The following EYS variants were observed in gnomAD, a reference collection of about 807,000 sequenced individuals.
The protein encoded by EYS is EGF-like photoreceptor maintenance factor.
EYS carries 250 observed loss-of-function variants against 282.1 expected under a neutral mutation model. The ratio of observed to expected loss-of-function variants is 0.89; its 90% CI spans 0.80 to 0.98. The LOEUF (loss-of-function observed/expected upper bound fraction) is 0.98. EYS is among the 50% of genes least tolerant of loss of function. The pLI is 0.00. For missense variants in EYS, 4,016 were observed against 3,709.0 expected (o/e 1.08, Z -2.15); for synonymous variants, 1,355 against 1,282.9 (o/e 1.06, Z -1.20).
chr6:64,313,329 G>A (rs1454102247), intron 29 of EYS, among the ~76,000 whole-genome samples: 1 of 152,048 alleles, frequency 6.6e-6, no homozygotes. Flanking sequence ...GACAAGATTA[G>A]AGAAAAAAGA....
chr6:64,495,160 G>T (rs1776852290), intron 26 of EYS, among the ~76,000 whole-genome samples: 1 of 151,646 alleles, frequency 6.6e-6, no homozygotes, highest in Non-Finnish European at 1.5e-5. Context: ...ACTCACCCTG[G>T]TTGGGGCTAG....
chr6:65,237,621 T>A (rs548090633), intron 12 of EYS, among the ~76,000 whole-genome samples: 15 of 152,294 alleles, frequency 9.8e-5, no homozygotes, highest in African/African-American at 3.6e-4. Context: ...CACATTTGTA[T>A]AATTGCATGG....
At chr6:64,985,641 G>A (rs1004355302) in intron 14 of EYS, among the ~76,000 whole-genome samples, 2 of 151,454 alleles carry the variant, frequency 1.3e-5, no homozygotes, top group African/African-American at 2.4e-5. Flanking sequence ...TTAAAATAAA[G>A]TCTGATTTAA....
chr6:64,795,151 C>G (rs1774316051), intron 22 of EYS, among the ~76,000 whole-genome samples: 1 of 151,508 alleles, frequency 6.6e-6, no homozygotes, highest in Admixed American at 6.6e-5. Context: ...AGAAGAATCG[C>G]TAGAACCAGG....
chr6:65,278,512 C>T (rs995893271), intron 12 of EYS, among the ~76,000 whole-genome samples: 2 of 151,432 alleles, frequency 1.3e-5, no homozygotes, highest in African/African-American at 4.9e-5. Context: ...TCTTTTGCTG[C>T]AATCTTTTTG....
rs891412567 is a variant in EYS, at chr6:64,310,827, G to T, written c.6079-3745C>A. 8.3e-4 allele frequency among the ~76,000 whole-genome samples: 127 copies of T among 152,126 alleles called. 1 individual carries two copies. The highest frequency in any genetic ancestry group is 1.5e-3 in the South Asian group (7 of 4,820). ...TATGAGTGAACAAAATGGGAAGACT[G>T]GACTGAATTTTTTTTGTGTACTTTA... On this transcript the variant is annotated intron_variant, in intron 29 of 42. Transcript: ENST00000503581.
chr6:63,878,478 C>A (rs564285767), intron 35 of EYS, among the ~76,000 whole-genome samples: 3 of 152,146 alleles, frequency 2.0e-5, no homozygotes, highest in Non-Finnish European at 4.4e-5. Context: ...ACTCCATGCT[C>A]GGAGAACCAC....
intron 13 of EYS, among the ~76,000 whole-genome samples, chr6:65,004,627 G>A (rs572307350): frequency 1.4e-5 from 2 of 147,700 alleles, no homozygotes; most frequent in Non-Finnish European, 3.0e-5. Flanking sequence ...CACTAGCTTT[G>A]CAAGGTCCAA....
intron 2 of EYS, among the ~76,000 whole-genome samples, chr6:65,507,464 G>C (rs1766699289): frequency 1.3e-5 from 2 of 151,930 alleles, no homozygotes; most frequent in South Asian, 4.1e-4. Flanking sequence ...CAGGACATGA[G>C]AATCATTTGT....
At chr6:65,398,322 T>C (rs1043134938) in intron 7 of EYS, among the ~76,000 whole-genome samples, 11 of 151,924 alleles carry the variant, frequency 7.2e-5, no homozygotes, top group African/African-American at 2.4e-4. Context: ...GAGAACCACA[T>C]ACCTACAACA....
At chr6:64,562,646 A>T (rs1265718826) in intron 26 of EYS, among the ~76,000 whole-genome samples, 1 of 151,932 alleles carries the variant, frequency 6.6e-6, no homozygotes, top group African/African-American at 2.4e-5. Flanking sequence ...AAGAGATCTG[A>T]ACTGGGAAGA....
At chr6:64,705,113 A>G (rs913558019) in intron 22 of EYS, among the ~76,000 whole-genome samples, 1 of 152,210 alleles carries the variant, frequency 6.6e-6, no homozygotes, top group Non-Finnish European at 1.5e-5. Flanking sequence ...TAAAACTGAT[A>G]AATAAATTCA....
intron 26 of EYS, among the ~76,000 whole-genome samples, chr6:64,566,135 C>A (rs895818757): frequency 6.6e-6 from 1 of 151,840 alleles, no homozygotes; most frequent in African/African-American, 2.4e-5. Flanking sequence ...TTATGATATT[C>A]TATATAAGGA....
intron 2 of EYS, among the ~76,000 whole-genome samples, chr6:65,636,996 T>A (rs12201298): frequency 6.6e-6 from 1 of 152,050 alleles, no homozygotes; most frequent in Non-Finnish European, 1.5e-5. Context: ...TTTTAAAAAA[T>A]TTTGTAGCGA....
At chr6:64,485,568 C>T (rs1669599564) in intron 26 of EYS, among the ~76,000 whole-genome samples, 1 of 151,498 alleles carries the variant, frequency 6.6e-6, no homozygotes, top group Admixed American at 6.6e-5. Context: ...AAACCTAACA[C>T]CCACTCAATG....
rs7450477 is a variant in EYS at position 64,736,287 on chromosome 6, T to C, written c.3443+77091A>G. On this transcript the variant is annotated intron_variant, in intron 22 of 42. Transcript: ENST00000503581. ...AAATGAGATACTTAAATACATTACA[T>C]ATAAATAGAAATCATGTAGTTAAAA... Among the ~76,000 whole-genome samples the C allele has an allele frequency of 2.0e-5, 3 of 152,138 alleles. No homozygotes were observed. The East Asian group carries it at 5.8e-4, about 29-fold the overall frequency.
intron 26 of EYS, among the ~76,000 whole-genome samples, chr6:64,475,690 C>T (rs1438155705): frequency 6.6e-6 from 1 of 151,744 alleles, no homozygotes; most frequent in Admixed American, 6.6e-5. Context: ...TTAAAAAAGT[C>T]ACTTAAACAC....
chr6:65,019,765 G>A (rs574060186), intron 13 of EYS, among the ~76,000 whole-genome samples: 1 of 152,168 alleles, frequency 6.6e-6, no homozygotes, highest in East Asian at 1.9e-4. Flanking sequence ...TTCTCATGAG[G>A]CCAATAAAGA....
chr6:64,008,571 G>A (rs1172698413), intron 33 of EYS, among the ~76,000 whole-genome samples: 1 of 151,444 alleles, frequency 6.6e-6, no homozygotes, highest in African/African-American at 2.4e-5. Context: ...AATGGTCTAT[G>A]TGCTTAATTG....
Sources: gnomAD v4.1 joint callset for allele counts (sites outside exome capture counted in the v4.1 genomes callset) on GRCh38, gnomAD v4.1.1 for gene constraint, MANE v1.5 for transcripts, NCBI Gene and HGNC (gene_info 2026-07-23, HGNC 2026-07-21) for gene names.